The following ASAP2 variants were observed in gnomAD, a reference collection of about 807,000 sequenced individuals.
ASAP2 encodes the protein ArfGAP with SH3 domain, ankyrin repeat and PH domain 2.
In ASAP2, 45 loss-of-function variants were observed where a neutral mutation model predicts 131.4. That is an observed-to-expected ratio of 0.34 (90% CI 0.27 to 0.44). ASAP2 has a LOEUF of 0.44. Ranked by LOEUF, ASAP2 falls within the 20% of genes least tolerant of loss-of-function variation. ASAP2 has a pLI of 1.00. For synonymous variants in ASAP2, 510 were observed against 503.0 expected (o/e 1.01, Z -0.19); for missense variants, 1,011 against 1,297.0 (o/e 0.78, Z 3.39).
At chr2:9,220,958 C>T (rs1662371888) in intron 1 of ASAP2, among the ~76,000 whole-genome samples, 1 of 152,136 alleles carries the variant, frequency 6.6e-6, no homozygotes, top group Non-Finnish European at 1.5e-5. Flanking sequence ...AGTTGATTTA[C>T]TTCTGATATA....
intron 3 of ASAP2, among the ~76,000 whole-genome samples, chr2:9,300,165 G>A (rs1056862448): frequency 3.3e-5 from 5 of 152,202 alleles, no homozygotes; most frequent in South Asian, 2.1e-4. Flanking sequence ...CCCAGGAAGC[G>A]GAGATTGCAG....
intron 12 of ASAP2, among the ~76,000 whole-genome samples, chr2:9,353,320 T>C (rs922472158): frequency 1.3e-5 from 2 of 152,048 alleles, no homozygotes; most frequent in African/African-American, 4.8e-5. Context: ...ATGCAAGCAC[T>C]TTGGGAGGCC....
At position 9,297,515 on chromosome 2, in the gene ASAP2, T is replaced by C. The variant is rs539199999; in HGVS notation, c.345+70T>C. 9 of 1,558,328 alleles carry C rather than the reference T, an allele frequency of 5.8e-6. No individual in the cohort carries two copies. In the African/African-American group the frequency reaches 6.8e-5, roughly 12 times the overall value. On this transcript the variant is annotated intron_variant, in intron 3 of 27. Transcript: ENST00000281419. ...AAAGTGGCTCAGTAGAGGATAGTTA[T>C]GGTTTGTTTGATAAACTAGGAATGC...
chr2:9,403,106 T>C (rs760533259), intron 27 of ASAP2, 147 bp from the exon 28 acceptor site: 1 of 658,232 alleles, frequency 1.5e-6, no homozygotes, highest in Non-Finnish European at 2.6e-6. Flanking sequence ...CAAAAATCAT[T>C]TGGATGTTTT....
At chr2:9,269,998 T>C (rs1425986001) in intron 1 of ASAP2, among the ~76,000 whole-genome samples, 1 of 152,180 alleles carries the variant, frequency 6.6e-6, no homozygotes, top group African/African-American at 2.4e-5. Flanking sequence ...ATAGAAGAGT[T>C]TGGGAACTCC....
chr2:9,362,773 A>T (rs911274899), intron 15 of ASAP2, among the ~76,000 whole-genome samples: 13 of 152,138 alleles, frequency 8.5e-5, no homozygotes, highest in Admixed American at 2.0e-4. Flanking sequence ...GCACCCAGGA[A>T]GTTGAGGCTA....
chr2:9,326,223 A>C (rs560960664), intron 6 of ASAP2, among the ~76,000 whole-genome samples: 2 of 152,324 alleles, frequency 1.3e-5, no homozygotes, highest in East Asian at 3.9e-4. Context: ...TCTACAAAAA[A>C]ACAAAAACAA....
rs1438440959 is a variant in ASAP2, at chr2:9,405,184, A to G, written c.*1857A>G. ...TTTTTCCAGTCTACAATTTGGTGCTATTGTGCAGTAACTAATAGTACTCTT... is the reference window on the plus strand; with the variant it reads ...TTTTTCCAGTCTACAATTTGGTGCTGTTGTGCAGTAACTAATAGTACTCTT... On this transcript the variant is annotated 3_prime_UTR_variant, in exon 28 of 28. Transcript: ENST00000281419. 6.6e-6 allele frequency: 1 copy of G among 152,116 alleles called. No homozygotes were observed. The highest frequency in any genetic ancestry group is 1.5e-5 in the Non-Finnish European group (1 of 68,014). 9.4% of individuals were successfully genotyped at this position (152,116 alleles called of 1,614,324 possible).
chr2:9,265,760 T>G (rs959696782), intron 1 of ASAP2, among the ~76,000 whole-genome samples: 1 of 152,104 alleles, frequency 6.6e-6, no homozygotes, highest in Non-Finnish European at 1.5e-5. Flanking sequence ...TAAACAAGCT[T>G]GTGATTTTCA....
intron 1 of ASAP2, among the ~76,000 whole-genome samples, chr2:9,229,408 G>A (rs979581176): frequency 2.6e-5 from 4 of 152,104 alleles, no homozygotes; most frequent in Admixed American, 2.6e-4. Context: ...TTCCCCTGTC[G>A]ATGAACCAAC....
At chr2:9,252,184 T>C (rs572787889) in intron 1 of ASAP2, among the ~76,000 whole-genome samples, 3 of 152,326 alleles carry the variant, frequency 2.0e-5, no homozygotes, top group Admixed American at 6.5e-5. Context: ...CACCAGCTGC[T>C]AGGACTGCAT....
intron 1 of ASAP2, among the ~76,000 whole-genome samples, chr2:9,240,006 C>T (rs534882282): frequency 3.9e-4 from 60 of 152,116 alleles, no homozygotes; most frequent in Admixed American, 2.0e-4. Context: ...TGTCCTGCTA[C>T]TTTTGGGGTG....
chr2:9,320,306 G>A lies in ASAP2; in HGVS notation c.439G>A (p.Asp147Asn), dbSNP rs1304469360. ...GVKGDLKKPF[D>N]KAWKDYETKI... ...TTTACAGGATCTGAAAAAGCCTTTT[G>A]ATAAAGCTTGGAAGGACTATGAAAC... The change falls in exon 5 of 28, where the codon GAT (aspartate) becomes AAT (asparagine). Residue 147 changes from aspartate to asparagine, a missense_variant. Asp to Asn is a conservative substitution (Grantham distance 23, BLOSUM62 1). Around this residue, in one of 2 missense-constraint regions of ASAP2, gnomAD observed 359 missense variants for 598.1 expected, o/e 0.60. Transcript: ENST00000281419. 1 of 1,610,908 alleles carries A rather than the reference G, an allele frequency of 6.2e-7. No homozygotes were observed. Among genetic ancestry groups the A allele is most frequent in the Non-Finnish European group, 8.5e-7 (1 of 1,178,824 alleles).
chr2:9,263,807 C>T (rs1270808901), intron 1 of ASAP2, among the ~76,000 whole-genome samples: 1 of 152,180 alleles, frequency 6.6e-6, no homozygotes, highest in Non-Finnish European at 1.5e-5. Context: ...CAGTTGACGG[C>T]CGTCTGGAGG....
Position 9,300,503 on chromosome 2 carries a change from A to G in ASAP2, c.345+3058A>G, listed in dbSNP as rs149048577. ...GCTTTGCCAGTTTTTAATACTTCAC[A>G]TATCACTGCAGGTCCTAGTTGCTGT... is the stretch of plus-strand genomic sequence containing the variant. On this transcript the variant is annotated intron_variant, in intron 3 of 27. Coordinates refer to ENST00000281419, the MANE Select transcript of ASAP2 (RefSeq NM_003887.3). 1.0e-3 allele frequency among the ~76,000 whole-genome samples: 157 copies of G among 152,376 alleles called. 1 individual carries two copies. The highest frequency in any genetic ancestry group is 3.2e-3 in the African/African-American group (134 of 41,596).
At position 9,206,945 on chromosome 2, in the gene ASAP2, CCGCCAGGCCCCGCGCGGCTCCCG is replaced by C. The variant is rs1226279904; in HGVS notation, c.-155_-133del. The C allele has an allele frequency of 6.5e-6, 4 of 618,892 alleles. No individual in the cohort carries two copies. The highest frequency in any genetic ancestry group is 6.0e-6 in the Non-Finnish European group (3 of 497,874). 38.3% of individuals were successfully genotyped at this position (618,892 alleles called of 1,614,324 possible). A position where few individuals can be genotyped will look rare whatever the true frequency, so the allele number is the denominator to read the frequency against. On this transcript the variant is annotated 5_prime_UTR_variant, in exon 1 of 28. Transcript: ENST00000281419. This position sits in a 1 kb window ranked among gnomAD's most constrained non-coding sequence, Gnocchi z 4.0. ...GGGGCTGCGCGCCGCCCCTGCTCCG[CCGCCAGGCCCCGCGCGGCTCCCG>C]CGCCCGGCGCTCCCCTTTGTCCGCG...
intron 16 of ASAP2, among the ~76,000 whole-genome samples, chr2:9,372,851 T>C (rs113862530): frequency 6.6e-6 from 1 of 152,096 alleles, no homozygotes; most frequent in Non-Finnish European, 1.5e-5. Context: ...ACACAGCAGT[T>C]AGCCGAACGT....
chr2:9,340,422 T>C (rs962327734), intron 9 of ASAP2, among the ~76,000 whole-genome samples: 1 of 152,232 alleles, frequency 6.6e-6, no homozygotes, highest in Admixed American at 6.5e-5. Flanking sequence ...ATCTATTCCA[T>C]GTCAAACTGG....
At chr2:9,243,987 A>G (rs1410090171) in intron 1 of ASAP2, among the ~76,000 whole-genome samples, 1 of 152,232 alleles carries the variant, frequency 6.6e-6, no homozygotes, top group South Asian at 2.1e-4. Flanking sequence ...TGATATGTAT[A>G]TAAACTCATC....
Sources: allele counts gnomAD v4.1 joint callset (sites outside exome capture counted in the v4.1 genomes callset), GRCh38; gene constraint gnomAD v4.1.1; regional missense constraint gnomAD v4.1.1; non-coding constraint Gnocchi (gnomAD v3.1); transcripts MANE v1.5; gene names NCBI Gene and HGNC (gene_info 2026-07-23, HGNC 2026-07-21).